RPS6KA2: variants seen among roughly 807,000 people sequenced by gnomAD.
RPS6KA2 encodes the protein ribosomal protein S6 kinase A2, also known as ribosomal protein S6 kinase alpha-2.
Under a neutral mutation model 91.8 loss-of-function variants are expected in RPS6KA2, and 42 were observed. The ratio of observed to expected loss-of-function variants is 0.46; its 90% CI spans 0.36 to 0.59. The LOEUF (loss-of-function observed/expected upper bound fraction) is 0.59, where lower values mean the gene tolerates loss of function less well. Among genes scored for constraint, RPS6KA2 ranks in the 20% least tolerant of loss-of-function variants. The pLI is 0.00. For missense variants in RPS6KA2, 798 were observed against 978.5 expected (o/e 0.82, Z 2.46); for synonymous variants, 414 against 393.6 (o/e 1.05, Z -0.61).
In RPS6KA2 at chr6:166,747,804, G is replaced by A. The variant is rs150099888; in HGVS notation, c.123+110396C>T. On this transcript the variant is annotated intron_variant, in intron 2 of 21. Coordinates refer to the RPS6KA2 transcript ENST00000503859. ...ACTCCCATGGGTACGCCTAGCTGGG[G>A]TGCTTCCTTTCCAATGCAAACGACC... Among the ~76,000 whole-genome samples, 513 of 152,308 alleles carry A rather than the reference G, an allele frequency of 3.4e-3. 6 individuals are homozygous for A. Among genetic ancestry groups the A allele is most frequent in the African/African-American group, 0.012 (490 of 41,564 alleles).
intron 2 of RPS6KA2, among the ~76,000 whole-genome samples, chr6:166,731,630 C>A (rs1790522448): frequency 1.3e-5 from 2 of 152,046 alleles, no homozygotes; most frequent in African/African-American, 4.8e-5. Flanking sequence ...CCCCCGGCAT[C>A]TCCTGCTTGA....
At chr6:166,857,624 A>G (rs1482549782) in intron 2 of RPS6KA2, among the ~76,000 whole-genome samples, 7 of 152,368 alleles carry the variant, frequency 4.6e-5, no homozygotes, top group African/African-American at 1.7e-4. Flanking sequence ...CACAGCCTGC[A>G]GCAGCAAGAG....
chr6:166,751,749 C>A (rs1297832484), intron 2 of RPS6KA2, among the ~76,000 whole-genome samples: 1 of 152,232 alleles, frequency 6.6e-6, no homozygotes, highest in Admixed American at 6.5e-5. Flanking sequence ...CAATAGTCAG[C>A]CGATTTGGGG....
intron 1 of RPS6KA2, among the ~76,000 whole-genome samples, chr6:166,541,880 T>G (rs1437759196): frequency 6.6e-6 from 1 of 152,206 alleles, no homozygotes; most frequent in Non-Finnish European, 1.5e-5. Context: ...ACGCCAGCTT[T>G]CTTCCCTAAT....
chr6:166,547,232 G>A (rs931365100), intron 1 of RPS6KA2, among the ~76,000 whole-genome samples: 2 of 152,154 alleles, frequency 1.3e-5, no homozygotes, highest in African/African-American at 2.4e-5. Flanking sequence ...GAGTGTGCAC[G>A]GGGCCAACTC....
intron 2 of RPS6KA2, among the ~76,000 whole-genome samples, chr6:166,769,405 A>C (rs569694378): frequency 1.3e-5 from 2 of 152,316 alleles, no homozygotes; most frequent in African/African-American, 4.8e-5. Flanking sequence ...ATGAGAAAGG[A>C]ATAGAAGACG....
intron 14 of RPS6KA2, among the ~76,000 whole-genome samples, chr6:166,442,929 C>A (rs188469509): frequency 6.6e-6 from 1 of 151,992 alleles, no homozygotes; most frequent in Non-Finnish European, 1.5e-5. Flanking sequence ...TTAGAGGTAC[C>A]GACCCCTCAA....
intron 2 of RPS6KA2, among the ~76,000 whole-genome samples, chr6:166,674,046 G>C (rs1011326043): frequency 3.3e-5 from 5 of 152,238 alleles, no homozygotes; most frequent in African/African-American, 4.8e-5. Flanking sequence ...GCTGGGGAAA[G>C]AGAGTTCGGG....
intron 2 of RPS6KA2, among the ~76,000 whole-genome samples, chr6:166,766,436 A>G (rs1252300468): frequency 2.0e-5 from 3 of 152,212 alleles, no homozygotes; most frequent in Admixed American, 2.0e-4. Flanking sequence ...AATACATATA[A>G]TTGTACAACT....
At chr6:166,677,008 A>G (rs1286450848) in intron 2 of RPS6KA2, among the ~76,000 whole-genome samples, 1 of 152,184 alleles carries the variant, frequency 6.6e-6, no homozygotes, top group Non-Finnish European at 1.5e-5. Context: ...CTTCTCTTCA[A>G]CGGAGTTTTA....
At chr6:166,818,557 T>A (rs1353287340) in intron 2 of RPS6KA2, among the ~76,000 whole-genome samples, 1 of 152,210 alleles carries the variant, frequency 6.6e-6, no homozygotes, top group Non-Finnish European at 1.5e-5. Flanking sequence ...TTCTCAGGAA[T>A]AAGTGATTTG....
chr6:166,484,230 A>G (rs531554701), intron 10 of RPS6KA2, among the ~76,000 whole-genome samples: 2 of 152,338 alleles, frequency 1.3e-5, no homozygotes, highest in African/African-American at 4.8e-5. Context: ...CCTTCAATTC[A>G]CTTTAGTTCA....
chr6:166,846,401 T>TA lies in RPS6KA2; in HGVS notation c.123+11798dup, dbSNP rs202213284. On this transcript the variant is annotated intron_variant, in intron 2 of 21. Transcript: ENST00000503859. Reference sequence around the variant, plus strand: ...CCCATACCAAAATCAGGGAAGGACATAAAAAAAAAGAAAACTATAGACCAA... The same window carrying TA: ...CCCATACCAAAATCAGGGAAGGACATAAAAAAAAAAGAAAACTATAGACCAA... Among the ~76,000 whole-genome samples, 184 of 57,990 alleles carry TA rather than the reference T, an allele frequency of 3.2e-3. 1 individual carries two copies. Among genetic ancestry groups the TA allele is most frequent in the African/African-American group, 8.3e-3 (179 of 21,452 alleles). 38.0% of individuals were successfully genotyped at this position (57,990 alleles called of 152,430 possible).
intron 1 of RPS6KA2, among the ~76,000 whole-genome samples, chr6:166,566,034 T>C (rs1784489444): frequency 6.6e-6 from 1 of 152,144 alleles, no homozygotes; most frequent in Non-Finnish European, 1.5e-5. Flanking sequence ...GGGATAGAAA[T>C]AAAGAATGGG....
At chr6:166,580,853 C>T (rs1317655097) in intron 1 of RPS6KA2, among the ~76,000 whole-genome samples, 1 of 152,192 alleles carries the variant, frequency 6.6e-6, no homozygotes, top group Non-Finnish European at 1.5e-5. Context: ...ACAAAACCCA[C>T]AGGAATGATT....
chr6:166,483,680 A>G (rs1781313357), intron 10 of RPS6KA2, among the ~76,000 whole-genome samples: 4 of 152,206 alleles, frequency 2.6e-5, no homozygotes, highest in Admixed American at 1.3e-4. Context: ...ACAGAGAAGG[A>G]ATGGGTTTGT....
chr6:166,781,573 T>C (rs1778774836), intron 2 of RPS6KA2, among the ~76,000 whole-genome samples: 1 of 152,184 alleles, frequency 6.6e-6, no homozygotes, highest in Admixed American at 6.5e-5. Flanking sequence ...TGCACCTAAG[T>C]TGGGCAGATG....
At position 166,582,526 on chromosome 6, in the gene RPS6KA2, T is replaced by C. The variant is rs138645154; in HGVS notation, c.100-43742A>G. 2.2e-3 allele frequency among the ~76,000 whole-genome samples: 331 copies of C among 152,340 alleles called. 1 individual carries two copies. Among genetic ancestry groups the C allele is most frequent in the African/African-American group, 7.7e-3 (319 of 41,570 alleles). Reference sequence around the variant, plus strand: ...CAAATTACATTCCACAACTGAAATGTAGCATGGAGCTCTGAGAGATTTTTC... The same window carrying C: ...CAAATTACATTCCACAACTGAAATGCAGCATGGAGCTCTGAGAGATTTTTC... On this transcript the variant is annotated intron_variant, in intron 1 of 20. Coordinates refer to ENST00000265678, the MANE Select transcript of RPS6KA2 (RefSeq NM_021135.6).
intron 1 of RPS6KA2, among the ~76,000 whole-genome samples, chr6:166,596,183 G>A (rs1024443432): frequency 6.6e-5 from 10 of 152,230 alleles, no homozygotes; most frequent in African/African-American, 1.9e-4. Context: ...GAAGATAGGC[G>A]GTAAGGTCCA....
Sources: gnomAD v4.1 joint callset for allele counts (sites outside exome capture counted in the v4.1 genomes callset) on GRCh38, gnomAD v4.1.1 for gene constraint, MANE v1.5 for transcripts, NCBI Gene and HGNC (gene_info 2026-07-23, HGNC 2026-07-21) for gene names.